Variants in OXR1 observed in about 807,000 individuals in gnomAD.
OXR1 encodes oxidation resistance protein 1.
OXR1 carries 41 observed loss-of-function variants against 104.6 expected under a neutral mutation model. The observed-to-expected ratio is 0.39, with a 90% CI of 0.31 to 0.51. OXR1 has a LOEUF of 0.51. Among genes scored for constraint, OXR1 ranks in the 20% least tolerant of loss-of-function variants. OXR1 has a pLI of 0.77. For missense variants in OXR1, 955 were observed against 1,031.9 expected, an observed-to-expected ratio of 0.93 and a Z score of 1.02; for synonymous variants, 348 against 348.4, an observed-to-expected ratio of 1.00 and a Z score of 0.01.
intron 3 of OXR1, among the ~76,000 whole-genome samples, chr8:106,630,624 G>A (rs776141322): frequency 6.6e-6 from 1 of 152,098 alleles, no homozygotes; most frequent in South Asian, 2.1e-4. Flanking sequence ...AAGGGGAAGC[G>A]GGTTGTTTAC....
At position 106,519,114 on chromosome 8, in the gene OXR1, C is replaced by T. The variant is rs146728963; in HGVS notation, c.195C>T (p.Ser65=). ...ANTQKHPSRR[S]ELKRFYTIDT... ...CTCAGAAACATCCTTCCAGAAGGAG[C>T]GAACTGAAGAGGTTCTACACAATTG... The change falls in exon 3 of 17, where the codon AGC becomes AGT. Residue 65 remains serine (S), a synonymous_variant. Transcript: ENST00000517566. 10 of 1,551,182 alleles carry T rather than the reference C, an allele frequency of 6.4e-6. No individual in the cohort carries two copies. The highest frequency in any genetic ancestry group is 5.5e-5 in the African/African-American group (4 of 73,064).
intron 3 of OXR1, among the ~76,000 whole-genome samples, chr8:106,643,393 G>A (rs940304524): frequency 1.3e-5 from 2 of 152,008 alleles, no homozygotes; most frequent in Non-Finnish European, 2.9e-5. Flanking sequence ...CTGTTCCCTG[G>A]TCTAGAAGAA....
At chr8:106,506,646 T>C (rs1271163713) in intron 2 of OXR1, among the ~76,000 whole-genome samples, 1 of 151,948 alleles carries the variant, frequency 6.6e-6, no homozygotes, top group East Asian at 1.9e-4. Context: ...TATAAATGTT[T>C]AATCCCAAAG....
intron 3 of OXR1, among the ~76,000 whole-genome samples, chr8:106,578,887 C>T (rs1198882106): frequency 2.0e-5 from 3 of 151,744 alleles, no homozygotes; most frequent in African/African-American, 7.3e-5. Context: ...TTCCCATTTA[C>T]TCTTTACCCT....
At chr8:106,427,449 G>T (rs762148226) in intron 2 of OXR1, among the ~76,000 whole-genome samples, 1 of 152,140 alleles carries the variant, frequency 6.6e-6, no homozygotes, top group Non-Finnish European at 1.5e-5. Flanking sequence ...TTACAGGCAT[G>T]AATTGATTTT....
intron 2 of OXR1, among the ~76,000 whole-genome samples, chr8:106,394,968 G>GT (rs36065811): frequency 0.64 from 97,214 of 151,866 alleles, 31,322 homozygotes; most frequent in Middle Eastern, 0.67. Context: ...GAAATCTAAC[G>GT]TTTACAAATG....
chr8:106,564,552 G>A (rs1816934021), intron 3 of OXR1, among the ~76,000 whole-genome samples: 1 of 152,128 alleles, frequency 6.6e-6, no homozygotes, highest in African/African-American at 2.4e-5. Flanking sequence ...TCTACCAGAG[G>A]TACAAAGAGG....
chr8:106,502,540 C>T (rs1271945239), intron 2 of OXR1, among the ~76,000 whole-genome samples: 2 of 152,084 alleles, frequency 1.3e-5, no homozygotes, highest in Non-Finnish European at 2.9e-5. Flanking sequence ...AATGATGATG[C>T]CATTGGGTTC....
chr8:106,286,042 C>T (rs1812488277), intron 1 of OXR1, among the ~76,000 whole-genome samples: 1 of 152,256 alleles, frequency 6.6e-6, no homozygotes, highest in East Asian at 1.9e-4. Context: ...CACCTCTAGT[C>T]TCAGTGAGTT....
intron 2 of OXR1, among the ~76,000 whole-genome samples, chr8:106,397,645 C>A (rs1173365166): frequency 6.6e-6 from 1 of 151,222 alleles, no homozygotes; most frequent in East Asian, 1.9e-4. Flanking sequence ...CTTTTTTCTG[C>A]CCTTGAAAAA....
At chr8:106,321,389 C>T (rs1052358057) in intron 1 of OXR1, among the ~76,000 whole-genome samples, 1 of 152,012 alleles carries the variant, frequency 6.6e-6, no homozygotes, top group African/African-American at 2.4e-5. Context: ...GGACAGTGGA[C>T]GTGTGACTGG....
At chr8:106,473,187 T>A (rs1821611229) in intron 2 of OXR1, among the ~76,000 whole-genome samples, 1 of 151,826 alleles carries the variant, frequency 6.6e-6, no homozygotes, top group Non-Finnish European at 1.5e-5. Context: ...CACTCAAGTG[T>A]TTTTTTCAGC....
intron 3 of OXR1, among the ~76,000 whole-genome samples, chr8:106,523,338 C>G (rs1813397189): frequency 6.6e-6 from 1 of 152,100 alleles, no homozygotes; most frequent in African/African-American, 2.4e-5. Flanking sequence ...ATTCCAGACC[C>G]TGGAGTTATG....
intron 3 of OXR1, among the ~76,000 whole-genome samples, chr8:106,577,286 C>T (rs994410779): frequency 6.6e-6 from 1 of 150,448 alleles, no homozygotes. Flanking sequence ...TCTTGGTTCA[C>T]TGCAACCTCC....
intron 2 of OXR1, among the ~76,000 whole-genome samples, chr8:106,399,948 A>G (rs1350205088): frequency 2.6e-5 from 4 of 152,146 alleles, no homozygotes; most frequent in Non-Finnish European, 4.4e-5. Flanking sequence ...TTTCTGATTA[A>G]TTAAAGAAAA....
chr8:106,751,999 G>A lies in OXR1; in HGVS notation c.*1058G>A, dbSNP rs1835917602. The stretch of plus-strand genomic sequence containing the variant: ...GACTTGTTGAATATGCAAACTTACT[G>A]TCAAGTGACCTCAAAAAAAAAATGA... On this transcript the variant is annotated 3_prime_UTR_variant, in exon 17 of 17. Transcript: ENST00000517566. The A allele has an allele frequency of 6.6e-6, 1 of 152,264 alleles. No individual in the cohort carries two copies. Among genetic ancestry groups the A allele is most frequent in the East Asian group, 1.9e-4 (1 of 5,198 alleles). The allele number at this position is 152,264 out of a possible 1,614,324, so 9.4% of individuals were successfully genotyped here. A position where few individuals can be genotyped will look rare whatever the true frequency, so the allele number is the denominator to read the frequency against.
At chr8:106,510,183 T>G (rs1812432355) in intron 2 of OXR1, among the ~76,000 whole-genome samples, 1 of 152,226 alleles carries the variant, frequency 6.6e-6, no homozygotes, top group Non-Finnish European at 1.5e-5. Context: ...TTTATTTTCA[T>G]AGGTTTTTAT....
At chr8:106,315,301 G>A (rs1403885958) in intron 1 of OXR1, among the ~76,000 whole-genome samples, 2 of 151,990 alleles carry the variant, frequency 1.3e-5, no homozygotes, top group Non-Finnish European at 2.9e-5. Flanking sequence ...AAAACACATA[G>A]GACAAGGCAC....
At chr8:106,538,187 A>T (rs1250876904) in intron 3 of OXR1, among the ~76,000 whole-genome samples, 1 of 152,182 alleles carries the variant, frequency 6.6e-6, no homozygotes, top group African/African-American at 2.4e-5. Context: ...CTGGCAAATT[A>T]TGTGATTTAA....
Sources: allele counts gnomAD v4.1 joint callset (sites outside exome capture counted in the v4.1 genomes callset), GRCh38; gene constraint gnomAD v4.1.1; transcripts MANE v1.5; gene names NCBI Gene and HGNC (gene_info 2026-07-23, HGNC 2026-07-21).